The following CACNA1G variants were observed in gnomAD, a reference collection of about 807,000 sequenced individuals.
CACNA1G encodes calcium voltage-gated channel subunit alpha1 G.
A neutral mutation model predicts 219.4 loss-of-function variants in CACNA1G; 67 were observed. The observed-to-expected ratio is 0.31, with a 90% CI of 0.25 to 0.37. The LOEUF (loss-of-function observed/expected upper bound fraction) is 0.37, where lower values mean the gene tolerates loss of function less well. CACNA1G is among the 10% of genes least tolerant of loss of function. The pLI, the probability that CACNA1G is intolerant of heterozygous loss-of-function variation, is 1.00. For missense variants in CACNA1G, 2,380 were observed against 3,231.4 expected (o/e 0.74, Z 6.39); for synonymous variants, 1,296 against 1,345.3 (o/e 0.96, Z 0.80).
At position 50,627,130 on chromosome 17, in the gene CACNA1G, T is replaced by C. The variant is rs755685183; in HGVS notation, c.*379T>C. 1.3e-5 allele frequency: 6 copies of C among 461,804 alleles called. No homozygotes were observed. Among genetic ancestry groups the C allele is most frequent in the South Asian group, 9.3e-5 (6 of 64,542 alleles). 28.6% of individuals were successfully genotyped at this position (461,804 alleles called of 1,614,324 possible). ...AGACTTGTTTCCTTCTACTTTTATG[T>C]GTCTCAGAATATTTTTGAGGCGAAG... On this transcript the variant is annotated 3_prime_UTR_variant, in exon 38 of 38. Transcript: ENST00000359106.
Position 50,569,230 on chromosome 17 carries a change from C to T in CACNA1G, c.420C>T (p.Gly140=). The T allele has an allele frequency of 6.2e-7, 1 of 1,613,818 alleles. No individual in the cohort carries two copies. The highest frequency in any genetic ancestry group is 1.3e-5 in the African/African-American group (1 of 75,004). ...VEMVVKMVAL[G]IFGKKCYLGD... ...TGGTGGTGAAGATGGTGGCCTTGGG[C>T]ATCTTTGGGAAAAAGTGTTACCTGG... The change falls in exon 3 of 38, where the codon GGC becomes GGT. Residue 140 remains glycine (G), a synonymous_variant. Coordinates refer to ENST00000359106, the MANE Select transcript of CACNA1G (RefSeq NM_018896.5).
At chr17:50,567,934 G>T (rs1328419703) in intron 1 of CACNA1G, among the ~76,000 whole-genome samples, 1 of 152,128 alleles carries the variant, frequency 6.6e-6, no homozygotes, top group Non-Finnish European at 1.5e-5. Context: ...GAAGCCACAA[G>T]CAGGTGTGAT....
intron 5 of CACNA1G, 99 bp from the exon 6 acceptor site, chr17:50,572,455 T>C: frequency 9.7e-7 from 1 of 1,034,878 alleles, no homozygotes; most frequent in Non-Finnish European, 1.4e-6. Flanking sequence ...CTGCTCACCC[T>C]ATATGCCTCG....
Position 50,600,877 on chromosome 17 carries a change from G to A in CACNA1G, c.3791+51G>A, listed in dbSNP as rs537280065. 23 of 1,579,758 alleles carry A rather than the reference G, an allele frequency of 1.5e-5. No homozygotes were observed. Among genetic ancestry groups the A allele is most frequent in the African/African-American group, 2.7e-5 (2 of 74,442 alleles). ...CTGTGTCCCGACCTCTTCTTCTCACGGGAAATTACCGCTGGTGATGCTGTC... is the reference window on the plus strand; with the variant it reads ...CTGTGTCCCGACCTCTTCTTCTCACAGGAAATTACCGCTGGTGATGCTGTC... On this transcript the variant is annotated intron_variant, in intron 18 of 37. Coordinates refer to ENST00000359106, the MANE Select transcript of CACNA1G (RefSeq NM_018896.5). The surrounding 1 kb of genome is among the most constrained non-coding windows in gnomAD (Gnocchi z 4.1).
intron 9 of CACNA1G, among the ~76,000 whole-genome samples, chr17:50,580,759 C>A (rs1034239129): frequency 6.6e-5 from 10 of 152,288 alleles, no homozygotes; most frequent in African/African-American, 2.4e-4. Flanking sequence ...GTGCTGAGGG[C>A]CCCATGGGGG....
intron 9 of CACNA1G, among the ~76,000 whole-genome samples, chr17:50,579,087 C>G (rs1186363613): frequency 6.6e-6 from 1 of 152,108 alleles, no homozygotes; most frequent in Non-Finnish European, 1.5e-5. Context: ...GCAATCTTTC[C>G]TGGCCTCCCG....
rs961227611 is a variant in CACNA1G at position 50,627,459 on chromosome 17, T to C, written c.*708T>C. On this transcript the variant is annotated 3_prime_UTR_variant, in exon 38 of 38. Coordinates refer to ENST00000359106, the MANE Select transcript of CACNA1G (RefSeq NM_018896.5). Reference sequence around the variant, plus strand: ...TCTATATATATATAAAATAAAGTAATTTTCCTAAATAAAAAGCTAATCACG... The same window carrying C: ...TCTATATATATATAAAATAAAGTAACTTTCCTAAATAAAAAGCTAATCACG... The C allele has an allele frequency of 2.5e-5, 5 of 198,648 alleles. No homozygotes were observed. Among genetic ancestry groups the C allele is most frequent in the South Asian group, 8.2e-5 (1 of 12,202 alleles). The allele number at this position is 198,648 out of a possible 1,614,324, so 12.3% of individuals were successfully genotyped here. A position where few individuals can be genotyped will look rare whatever the true frequency, so the allele number is the denominator to read the frequency against.
intron 19 of CACNA1G, among the ~76,000 whole-genome samples, chr17:50,601,987 A>G (rs999440110): frequency 6.6e-6 from 1 of 151,982 alleles, no homozygotes; most frequent in African/African-American, 2.4e-5. Context: ...GAATGGCGGG[A>G]GCAGCCCAAG....
chr17:50,597,210 G>A (rs2045750326), intron 16 of CACNA1G, among the ~76,000 whole-genome samples: 1 of 152,210 alleles, frequency 6.6e-6, no homozygotes, highest in South Asian at 2.1e-4. Context: ...GTAAAATGGA[G>A]GTGGGGTGTC....
Position 50,569,581 on chromosome 17 carries a change from T to C in CACNA1G, c.489-125T>C, listed in dbSNP as rs1420066049. On this transcript the variant is annotated intron_variant, in intron 3 of 37. Coordinates refer to ENST00000359106, the MANE Select transcript of CACNA1G (RefSeq NM_018896.5). The stretch of plus-strand genomic sequence containing the variant: ...AGAGAGCCGGATCTTCAGGGTCCCT[T>C]GGTGAAGAAGAAGAAGGAGTCAGAG... 4.2e-6 allele frequency: 3 copies of C among 721,912 alleles called. No homozygotes were observed. In the African/African-American group the frequency reaches 5.3e-5, roughly 13 times the overall value. 44.7% of individuals were successfully genotyped at this position (721,912 alleles called of 1,614,324 possible). A position where few individuals can be genotyped will look rare whatever the true frequency, so the allele number is the denominator to read the frequency against.
intron 11 of CACNA1G, 54 bp downstream of exon 11, chr17:50,591,674 G>C: frequency 6.2e-7 from 1 of 1,609,240 alleles, no homozygotes; most frequent in Non-Finnish European, 8.5e-7. Context: ...CTGGGGGCAG[G>C]AGGGCCTGAG....
At position 50,591,775 on chromosome 17, in the gene CACNA1G, C is replaced by G. The variant is rs1163665002; in HGVS notation, c.2676C>G (p.Ala892=). ...LGMHLFGCKF[A]SERDGDTLPD... is the part of the protein sequence containing the mutation. Reference sequence around the variant, plus strand: ...TGCATCTCTTCGGCTGCAAGTTTGCCTCTGAGCGGGATGGGGACACCCTGC... The same window carrying G: ...TGCATCTCTTCGGCTGCAAGTTTGCGTCTGAGCGGGATGGGGACACCCTGC... Residue 892 remains alanine (A), a synonymous_variant, in exon 12 of 38, where the codon GCC becomes GCG. Transcript: ENST00000359106. 1 of 1,613,860 alleles carries G rather than the reference C, an allele frequency of 6.2e-7. No individual in the cohort carries two copies. Among genetic ancestry groups the G allele is most frequent in the African/African-American group, 1.3e-5 (1 of 74,912 alleles).
chr17:50,577,213 C>T (rs894890660), intron 8 of CACNA1G, among the ~76,000 whole-genome samples: 1 of 152,026 alleles, frequency 6.6e-6, no homozygotes, highest in Non-Finnish European at 1.5e-5. Context: ...GTGTAAAAGG[C>T]AAGGCTGGGC....
rs185805352 is a variant in CACNA1G at position 50,599,839 on chromosome 17, G to A, written c.3670G>A (p.Ala1224Thr). The change falls in exon 17 of 38, where the codon GCC becomes ACC. Residue 1224 changes from alanine (A) to threonine (T), a missense_variant. Transcript: ENST00000359106. Reference protein sequence around the residue: ...PDDPPLDGDDADDEGNLSKGE... With the variant: ...PDDPPLDGDDTDDEGNLSKGE... ...TGACCCCCCACTGGATGGGGATGAC[G>A]CCGATGACGAGGGCAACCTGGTGAG... The A allele has an allele frequency of 2.0e-5, 32 of 1,608,202 alleles. No individual in the cohort carries two copies. The highest frequency in any genetic ancestry group is 3.3e-4 in the Middle Eastern group (2 of 6,060).
Position 50,596,526 on chromosome 17 carries a change from C to T in CACNA1G, c.2980-36C>T. Reference sequence around the variant, plus strand: ...GTCCATCCCAACCACCCAAGCCTGGCCGGATCCCTAATGGTCCGCTGCTCC... The same window carrying T: ...GTCCATCCCAACCACCCAAGCCTGGTCGGATCCCTAATGGTCCGCTGCTCC... On this transcript the variant is annotated intron_variant, in intron 14 of 37. Coordinates refer to ENST00000359106, the MANE Select transcript of CACNA1G (RefSeq NM_018896.5). The surrounding 1 kb of genome is among the most constrained non-coding windows in gnomAD (Gnocchi z 4.8). 1 of 1,583,916 alleles carries T rather than the reference C, an allele frequency of 6.3e-7. No individual in the cohort carries two copies. The highest frequency in any genetic ancestry group is 8.7e-7 in the Non-Finnish European group (1 of 1,152,968).
intron 22 of CACNA1G, among the ~76,000 whole-genome samples, chr17:50,604,841 C>T (rs987977318): frequency 6.6e-6 from 1 of 152,218 alleles, no homozygotes; most frequent in African/African-American, 2.4e-5. Flanking sequence ...CGGGGAGCCC[C>T]TCCATCATAG....
rs1335421186 is a variant in CACNA1G, at chr17:50,600,102, G to A, written c.3690+243G>A. Among the ~76,000 whole-genome samples the A allele has an allele frequency of 1.3e-5, 2 of 152,122 alleles. No individual in the cohort carries two copies. The highest frequency in any genetic ancestry group is 4.8e-5 in the African/African-American group (2 of 41,418). On this transcript the variant is annotated intron_variant, in intron 17 of 37. Coordinates refer to ENST00000359106, the MANE Select transcript of CACNA1G (RefSeq NM_018896.5). The surrounding 1 kb of genome is among the most constrained non-coding windows in gnomAD (Gnocchi z 4.1). The stretch of plus-strand genomic sequence containing the variant: ...CCCTTGGTGGATATGAATGATTTTG[G>A]ACAGATGTGTATGAATCTTTCATGG...
At chr17:50,568,393 C>T (rs918886904) in intron 1 of CACNA1G, among the ~76,000 whole-genome samples, 21 of 152,188 alleles carry the variant, frequency 1.4e-4, no homozygotes, top group African/African-American at 5.1e-4. Context: ...CTGTTGTGAG[C>T]ATCAACTGTG....
intron 1 of CACNA1G, among the ~76,000 whole-genome samples, chr17:50,565,725 C>T (rs2037630065): frequency 6.6e-6 from 1 of 152,188 alleles, no homozygotes; most frequent in South Asian, 2.1e-4. Flanking sequence ...CTACTTTCCT[C>T]ACCCTTGCGG....
Sources: allele counts gnomAD v4.1 joint callset (sites outside exome capture counted in the v4.1 genomes callset), GRCh38; gene constraint gnomAD v4.1.1; non-coding constraint Gnocchi (gnomAD v3.1); transcripts MANE v1.5; gene names NCBI Gene and HGNC (gene_info 2026-07-23, HGNC 2026-07-21).